TTC6: variants seen among roughly 807,000 people sequenced by gnomAD.
TTC6 encodes tetratricopeptide repeat domain 6.
A neutral mutation model predicts 210.4 loss-of-function variants in TTC6; 172 were observed. The ratio of observed to expected loss-of-function variants is 0.82; its 90% confidence interval spans 0.72 to 0.93. TTC6 has a LOEUF of 0.93. Ranked by LOEUF, TTC6 falls within the 40% of genes least tolerant of loss-of-function variation. The pLI, the probability that TTC6 is intolerant of heterozygous loss-of-function variation, is 0.00. For synonymous variants in TTC6, 804 were observed against 819.6 expected (o/e 0.98, Z 0.32); for missense variants, 2,414 against 2,318.1 (o/e 1.04, Z -0.85).
intron 14 of TTC6, among the ~76,000 whole-genome samples, chr14:37,774,781 C>T (rs945438646): frequency 6.6e-6 from 1 of 152,072 alleles, no homozygotes; most frequent in East Asian, 1.9e-4. Flanking sequence ...TTCTCCTCTT[C>T]AATATTTTTG....
chr14:37,740,185 A>T (rs965141418), intron 10 of TTC6, among the ~76,000 whole-genome samples: 1 of 150,106 alleles, frequency 6.7e-6, no homozygotes, highest in East Asian at 1.9e-4. Context: ...AAAGTAAATA[A>T]TTTTTTTAAT....
chr14:37,673,331 G>A (rs1333374104), intron 1 of TTC6, among the ~76,000 whole-genome samples: 1 of 152,170 alleles, frequency 6.6e-6, no homozygotes, highest in Non-Finnish European at 1.5e-5. Flanking sequence ...AAAGTTACCT[G>A]TGTGGACAAA....
chr14:37,719,594 A>G (rs746335948), intron 6 of TTC6, among the ~76,000 whole-genome samples: 1 of 152,180 alleles, frequency 6.6e-6, no homozygotes, highest in Non-Finnish European at 1.5e-5. Context: ...AAAATTATTC[A>G]ATGGTGTAGG....
intron 24 of TTC6, among the ~76,000 whole-genome samples, chr14:37,809,054 T>G (rs2096124310): frequency 6.6e-6 from 1 of 152,154 alleles, no homozygotes; most frequent in Admixed American, 6.5e-5. Context: ...CATATAAAAC[T>G]TAAGAAACCA....
At chr14:37,713,382 G>A (rs1322708897) in intron 5 of TTC6, among the ~76,000 whole-genome samples, 2 of 152,162 alleles carry the variant, frequency 1.3e-5, no homozygotes, top group African/African-American at 4.8e-5. Context: ...GGGACTACAG[G>A]TGTGTGCCAC....
At chr14:37,811,814 T>C (rs1353335986) in intron 24 of TTC6, among the ~76,000 whole-genome samples, 1 of 152,208 alleles carries the variant, frequency 6.6e-6, no homozygotes, top group Non-Finnish European at 1.5e-5. Flanking sequence ...TTTCATTGAT[T>C]CATGATTTTT....
chr14:37,777,675 T>A (rs932512621), intron 14 of TTC6, among the ~76,000 whole-genome samples: 25 of 152,148 alleles, frequency 1.6e-4, no homozygotes, highest in African/African-American at 5.5e-4. Flanking sequence ...AATAAGACAC[T>A]GGGGTTTTGA....
chr14:37,751,033 A>C lies in TTC6; in HGVS notation c.2957-20A>C, dbSNP rs772742823. The stretch of plus-strand genomic sequence containing the variant: ...TGAAAGGATTATAACTCCAAATTTT[A>C]TCTTTTTAATTTTCTTTAGAGGCAT... On this transcript the variant is annotated intron_variant, in intron 12 of 30. Coordinates refer to ENST00000553443, the Ensembl canonical transcript of TTC6. 1 of 1,484,212 alleles carries C rather than the reference A, an allele frequency of 6.7e-7. No homozygotes were observed. Among genetic ancestry groups the C allele is most frequent in the African/African-American group, 1.4e-5 (1 of 71,366 alleles). The allele number at this position is 1,484,212 out of a possible 1,614,324, so 91.9% of individuals were successfully genotyped here.
intron 14 of TTC6, among the ~76,000 whole-genome samples, chr14:37,784,428 G>C (rs1404458366): frequency 6.6e-6 from 1 of 152,106 alleles, no homozygotes; most frequent in African/African-American, 2.4e-5. Context: ...TTTTATCAGA[G>C]ACCAGGATTA....
At chr14:37,685,380 C>T (rs542618126) in intron 3 of TTC6, among the ~76,000 whole-genome samples, 2 of 152,028 alleles carry the variant, frequency 1.3e-5, no homozygotes, top group African/African-American at 2.4e-5. Context: ...CCAAGAAAGC[C>T]GAGATCCAGA....
chr14:37,690,030 A>G (rs2095800799), intron 3 of TTC6, among the ~76,000 whole-genome samples: 1 of 152,208 alleles, frequency 6.6e-6, no homozygotes, highest in Admixed American at 6.5e-5. Flanking sequence ...AGTACCATAG[A>G]TATAAATAGA....
chr14:37,772,769 G>A (rs572341919), intron 14 of TTC6, among the ~76,000 whole-genome samples: 18 of 152,236 alleles, frequency 1.2e-4, no homozygotes, highest in Admixed American at 1.2e-3. Context: ...CGTCTTCTGC[G>A]TTGCTCACGC....
rs11629163 is a variant in TTC6, at chr14:37,841,332, G to T, written c.5299-113G>T. On this transcript the variant is annotated intron_variant, in intron 29 of 30. Transcript: ENST00000553443. ...TCTGTACCTGGGATGAAATGCTTCT[G>T]TTGACCTCTTGGTATGCCACTGGCC... 2 of 882,178 alleles carry T rather than the reference G, an allele frequency of 2.3e-6. 1 individual carries two copies. Among genetic ancestry groups the T allele is most frequent in the Admixed American group, 6.0e-5 (2 of 33,260 alleles). The allele number at this position is 882,178 out of a possible 1,614,324, so 54.6% of individuals were successfully genotyped here. A position where few individuals can be genotyped will look rare whatever the true frequency, so the allele number is the denominator to read the frequency against.
intron 11 of TTC6, 86 bp from the exon 14 acceptor site, chr14:37,749,628 G>A (rs1356919492): frequency 9.1e-7 from 1 of 1,094,604 alleles, no homozygotes; most frequent in Non-Finnish European, 1.2e-6. Flanking sequence ...AAGCCACTGG[G>A]ATCAACCGTG....
intron 29 of TTC6, among the ~76,000 whole-genome samples, chr14:37,834,114 ACT>A (rs2096192293): frequency 5.3e-5 from 8 of 151,168 alleles, no homozygotes; most frequent in Admixed American, 5.3e-4. Context: ...TGTTTTTAAA[ACT>A]CTCTCTTTGT....
chr14:37,832,229 T>G (rs1419097947), intron 29 of TTC6, among the ~76,000 whole-genome samples: 1 of 151,896 alleles, frequency 6.6e-6, no homozygotes, highest in Non-Finnish European at 1.5e-5. Context: ...CTATCAGTTT[T>G]GTTTATCTTT....
At chr14:37,634,992 G>A (rs532895267) in intron 1 of TTC6, among the ~76,000 whole-genome samples, 2 of 152,114 alleles carry the variant, frequency 1.3e-5, no homozygotes, top group African/African-American at 4.8e-5. Context: ...AAACAGAAAA[G>A]ATTAGAAAAA....
chr14:37,641,856 T>C (rs1211988798), intron 1 of TTC6, among the ~76,000 whole-genome samples: 2 of 152,184 alleles, frequency 1.3e-5, no homozygotes, highest in Non-Finnish European at 2.9e-5. Flanking sequence ...TTTTGTATTA[T>C]AGATAACAAA....
At chr14:37,633,646 A>G (rs565222055) in intron 1 of TTC6, among the ~76,000 whole-genome samples, 1 of 152,234 alleles carries the variant, frequency 6.6e-6, no homozygotes. Context: ...ACGGGCTGTT[A>G]CAAGTTCCCC....
Sources: allele counts gnomAD v4.1 joint callset (sites outside exome capture counted in the v4.1 genomes callset), GRCh38; gene constraint gnomAD v4.1.1; transcripts MANE v1.5; gene names NCBI Gene and HGNC (gene_info 2026-07-23, HGNC 2026-07-21).